The following C6 variants were observed in gnomAD, a reference collection of about 807,000 sequenced individuals.
C6 encodes complement C6.
A neutral mutation model predicts 112.9 loss-of-function variants in C6; 101 were observed. The ratio of observed to expected loss-of-function variants is 0.89; its 90% CI spans 0.76 to 1.06. The LOEUF (loss-of-function observed/expected upper bound fraction) is 1.06, where lower values mean the gene tolerates loss of function less well. Ranked by LOEUF, C6 falls within the 50% of genes least tolerant of loss-of-function variation. C6 has a pLI of 0.00. For missense variants in C6, 1,202 were observed against 1,104.6 expected (o/e 1.09, Z -1.25); for synonymous variants, 431 against 384.1 (o/e 1.12, Z -1.43).
chr5:41,152,029 G>A (rs1283844776), intron 15 of C6, among the ~76,000 whole-genome samples: 1 of 151,876 alleles, frequency 6.6e-6, no homozygotes, highest in Non-Finnish European at 1.5e-5. Flanking sequence ...AGAAAGGAAG[G>A]ATGGAAGGAA....
chr5:41,259,534 AATC>A (rs1741913726), intron 1 of C6, among the ~76,000 whole-genome samples: 1 of 138,492 alleles, frequency 7.2e-6, no homozygotes, highest in Non-Finnish European at 1.6e-5. Context: ...AAAAAAAAAA[AATC>A]TCTGTTTTCT....
intron 9 of C6, 49 bp from the exon 10 acceptor site, chr5:41,161,908 C>T (rs1486748585): frequency 1.7e-5 from 27 of 1,584,062 alleles, no homozygotes; most frequent in Non-Finnish European, 2.2e-5. Flanking sequence ...GTGCAAATTC[C>T]TATTCTAAAA....
chr5:41,202,090 G>A (rs548807435), intron 2 of C6, among the ~76,000 whole-genome samples: 1 of 152,294 alleles, frequency 6.6e-6, no homozygotes, highest in Non-Finnish European at 1.5e-5. Flanking sequence ...AAGATGAAAG[G>A]AGAGAAAGAT....
intron 1 of C6, among the ~76,000 whole-genome samples, chr5:41,233,401 A>T (rs1307761236): frequency 6.6e-6 from 1 of 152,144 alleles, no homozygotes; most frequent in African/African-American, 2.4e-5. Context: ...AATGGGCTAT[A>T]TGATGTAAAA....
At chr5:41,202,479 A>C (rs1751100880) in intron 2 of C6, among the ~76,000 whole-genome samples, 1 of 152,234 alleles carries the variant, frequency 6.6e-6, no homozygotes, top group Admixed American at 6.5e-5. Context: ...TAGTTTTCTA[A>C]AATAAGGATC....
chr5:41,209,830 T>A (rs1317494930), intron 1 of C6, among the ~76,000 whole-genome samples: 1 of 152,214 alleles, frequency 6.6e-6, no homozygotes, highest in Non-Finnish European at 1.5e-5. Context: ...CCCATCAAGC[T>A]ACAAATGACT....
At position 41,206,933 on chromosome 5, in the gene C6, C is replaced by T. The variant is rs113803845; in HGVS notation, c.-20-3683G>A. Among the ~76,000 whole-genome samples, 717 of 152,140 alleles carry T rather than the reference C, an allele frequency of 4.7e-3. 6 individuals carry two copies. The highest frequency in any genetic ancestry group is 0.016 in the African/African-American group (657 of 41,504). ...CTAAGACACATAATTGTCAGATACA[C>T]CAAAGTTGAAATGAAGGAAAAAATG... On this transcript the variant is annotated intron_variant, in intron 1 of 17. Coordinates refer to ENST00000337836, the MANE Select transcript of C6 (RefSeq NM_000065.5).
At chr5:41,206,218 C>T (rs766870296) in intron 1 of C6, among the ~76,000 whole-genome samples, 104 of 152,296 alleles carry the variant, frequency 6.8e-4, no homozygotes, top group East Asian at 1.2e-3. Flanking sequence ...CCCATCTGTA[C>T]GTCACCATCA....
chr5:41,154,047 A>G (rs1346103484), intron 14 of C6, 49 bp from the exon 15 acceptor site: 1 of 1,562,436 alleles, frequency 6.4e-7, no homozygotes, highest in Non-Finnish European at 8.8e-7. Flanking sequence ...AGAATAAACA[A>G]AAAATTTAGG....
intron 17 of C6, among the ~76,000 whole-genome samples, chr5:41,148,710 A>G (rs149320648): frequency 6.6e-6 from 1 of 152,192 alleles, no homozygotes; most frequent in Non-Finnish European, 1.5e-5. Context: ...AAAGTATAAC[A>G]GTGCCTGGGT....
intron 1 of C6, among the ~76,000 whole-genome samples, chr5:41,251,727 T>C (rs1252780667): frequency 6.6e-6 from 1 of 152,230 alleles, no homozygotes. Flanking sequence ...ATGCTCTTCT[T>C]GAAGCTGCAA....
intron 13 of C6, among the ~76,000 whole-genome samples, chr5:41,155,486 G>A (rs530424654): frequency 6.6e-6 from 1 of 152,136 alleles, no homozygotes; most frequent in South Asian, 2.1e-4. Flanking sequence ...TCAGGAGTTC[G>A]AGACCAGCTG....
intron 5 of C6, among the ~76,000 whole-genome samples, chr5:41,189,902 T>C (rs1750066875): frequency 1.3e-5 from 2 of 152,180 alleles, no homozygotes; most frequent in Non-Finnish European, 2.9e-5. Context: ...TCACTTAATA[T>C]CCTCCAGGAT....
At position 41,200,891 on chromosome 5, in the gene C6, G is replaced by GTTTTTTTTTTTTTTTTTTT. The variant is rs143443464; in HGVS notation, c.300+648_300+666dup. 3.1e-4 allele frequency among the ~76,000 whole-genome samples: 22 copies of GTTTTTTTTTTTTTTTTTTT among 70,654 alleles called. 2 individuals carry two copies. Among genetic ancestry groups the GTTTTTTTTTTTTTTTTTTT allele is most frequent in the Admixed American group, 5.2e-4 (3 of 5,750 alleles). 46.4% of individuals were successfully genotyped at this position (70,654 alleles called of 152,430 possible). A position where few individuals can be genotyped will look rare whatever the true frequency, so the allele number is the denominator to read the frequency against. ...TGTTTTTGTTGTTGTTGTTGTTGTTGTTTTTTTTTTTTTTTTTTTTTTTTT... is the reference window on the plus strand; with the variant it reads ...TGTTTTTGTTGTTGTTGTTGTTGTTGTTTTTTTTTTTTTTTTTTTTTTTTTTTTTTTTTTTTTTTTTTTT... On this transcript the variant is annotated intron_variant, in intron 3 of 17. Transcript: ENST00000337836.
chr5:41,159,066 C>T lies in C6; in HGVS notation c.1856+16G>A. 6 of 1,613,482 alleles carry T rather than the reference C, an allele frequency of 3.7e-6. No homozygotes were observed. The highest frequency in any genetic ancestry group is 4.2e-6 in the Non-Finnish European group (5 of 1,179,570). On this transcript the variant is annotated intron_variant, in intron 12 of 17. Coordinates refer to ENST00000337836, the MANE Select transcript of C6 (RefSeq NM_000065.5). ...TAGGGCAAAATGACCCATTCTTTTCCCTTACCCGGCCTTACTTGTTTTCCA... is the reference window on the plus strand; with the variant it reads ...TAGGGCAAAATGACCCATTCTTTTCTCTTACCCGGCCTTACTTGTTTTCCA...
intron 1 of C6, among the ~76,000 whole-genome samples, chr5:41,260,309 A>C (rs1052694008): frequency 6.6e-6 from 1 of 152,032 alleles, no homozygotes; most frequent in Admixed American, 6.6e-5. Context: ...TAGTTACATA[A>C]CTTTCTTCAG....
At chr5:41,161,160 G>GT (rs1454432348) in intron 10 of C6, among the ~76,000 whole-genome samples, 6 of 152,130 alleles carry the variant, frequency 3.9e-5, no homozygotes, top group African/African-American at 9.7e-5. Context: ...ATGTTTGGGG[G>GT]AAAACAGGTT....
At chr5:41,195,674 C>A in intron 5 of C6, 118 bp downstream of exon 5, 1 of 1,050,366 alleles carries the variant, frequency 9.5e-7, no homozygotes. Flanking sequence ...AGAGATAGGG[C>A]TGGTAGGAGT....
chr5:41,195,686 G>A, intron 5 of C6, 106 bp downstream of exon 5: 7 of 1,200,368 alleles, frequency 5.8e-6, no homozygotes, highest in Non-Finnish European at 7.4e-6. Context: ...GGTAGGAGTA[G>A]TAAGAAGTTA....
Sources: gnomAD v4.1 joint callset for allele counts (sites outside exome capture counted in the v4.1 genomes callset) on GRCh38, gnomAD v4.1.1 for gene constraint, MANE v1.5 for transcripts, NCBI Gene and HGNC (gene_info 2026-07-23, HGNC 2026-07-21) for gene names.